Variants in OSBPL10 observed in about 807,000 individuals in gnomAD.
The protein encoded by OSBPL10 is oxysterol-binding protein-related protein 10.
OSBPL10 carries 49 observed loss-of-function variants against 81.7 expected under a neutral mutation model. The ratio of observed to expected loss-of-function variants is 0.60; its 90% CI spans 0.48 to 0.76. The LOEUF is 0.76. OSBPL10 is among the 30% of genes least tolerant of loss of function. The pLI is 0.00. For missense variants in OSBPL10, 923 were observed against 987.8 expected, an observed-to-expected ratio of 0.93 and a Z score of 0.88; for synonymous variants, 419 against 383.6, an observed-to-expected ratio of 1.09 and a Z score of -1.08.
chr3:31,977,877 T>C (rs1698730566), intron 1 of OSBPL10, among the ~76,000 whole-genome samples: 1 of 152,222 alleles, frequency 6.6e-6, no homozygotes, highest in East Asian at 1.9e-4. Flanking sequence ...GTATTTCACA[T>C]TCTCATCCAG....
chr3:32,020,348 C>T (rs1010387333), intron 2 of OSBPL10, among the ~76,000 whole-genome samples: 2 of 152,180 alleles, frequency 1.3e-5, no homozygotes, highest in Admixed American at 6.5e-5. Flanking sequence ...TCTGCTTTCT[C>T]TTTCTCTAAA....
At position 31,661,991 on chromosome 3, in the gene OSBPL10, C is replaced by A; in HGVS notation, c.*81G>T. On this transcript the variant is annotated 3_prime_UTR_variant, in exon 12 of 12. Coordinates refer to ENST00000396556, the MANE Select transcript of OSBPL10 (RefSeq NM_017784.5). ...TGCTAATACAAGGTCTCAGTGAATG[C>A]CAACAAAACCCTGATACTCTACTAC... The A allele has an allele frequency of 1.3e-6, 2 of 1,559,746 alleles. No homozygotes were observed. The highest frequency in any genetic ancestry group is 1.4e-5 in the African/African-American group (1 of 72,776).
At chr3:31,748,184 G>A (rs886843636) in intron 4 of OSBPL10, 64 bp from the exon 5 acceptor site, 79 of 1,447,714 alleles carry the variant, frequency 5.5e-5, no homozygotes, top group South Asian at 2.4e-4. Context: ...CTGGGGAGGC[G>A]GCAGATAAAC....
intron 1 of OSBPL10, among the ~76,000 whole-genome samples, chr3:31,948,157 G>A (rs982023988): frequency 6.6e-6 from 1 of 152,138 alleles, no homozygotes; most frequent in African/African-American, 2.4e-5. Context: ...TTAGTCAAGG[G>A]CTGGGTGCCC....
intron 1 of OSBPL10, among the ~76,000 whole-genome samples, chr3:31,934,145 A>G (rs898626944): frequency 6.6e-6 from 1 of 151,682 alleles, no homozygotes; most frequent in Non-Finnish European, 1.5e-5. Flanking sequence ...TAAACTAATT[A>G]CAAAGGCTTT....
At chr3:31,664,336 G>GC in intron 10 of OSBPL10, 104 bp from the exon 11 acceptor site, 3 of 1,219,190 alleles carry the variant, frequency 2.5e-6, no homozygotes, top group South Asian at 1.4e-5. Context: ...CGCCAGGCAA[G>GC]CCCCCTCTGG....
chr3:31,729,850 T>G (rs532952312), intron 6 of OSBPL10, among the ~76,000 whole-genome samples: 29 of 152,202 alleles, frequency 1.9e-4, no homozygotes, highest in Non-Finnish European at 2.8e-4. Context: ...GAACTCTAAG[T>G]GTGGCCACCA....
At chr3:31,934,502 A>C (rs1415401595) in intron 1 of OSBPL10, among the ~76,000 whole-genome samples, 1 of 148,046 alleles carries the variant, frequency 6.8e-6, no homozygotes. Context: ...TCCGCCTCCC[A>C]GGTTCAAGGG....
chr3:31,727,691 A>C (rs7638790), intron 6 of OSBPL10, among the ~76,000 whole-genome samples: 6,779 of 152,292 alleles, frequency 0.045, 272 homozygotes, highest in African/African-American at 0.1. Flanking sequence ...AAACAAACTT[A>C]TAAGATTGAA....
intron 1 of OSBPL10, among the ~76,000 whole-genome samples, chr3:31,953,411 G>T (rs779658560): frequency 6.6e-6 from 1 of 151,768 alleles, no homozygotes; most frequent in Non-Finnish European, 1.5e-5. Flanking sequence ...AAGCAGAAGT[G>T]ATTCTGTTGT....
chr3:31,903,942 G>A (rs1696329729), intron 1 of OSBPL10, among the ~76,000 whole-genome samples: 1 of 152,142 alleles, frequency 6.6e-6, no homozygotes, highest in Non-Finnish European at 1.5e-5. Context: ...TAAATCCAGT[G>A]AACACAGGTT....
intron 1 of OSBPL10, among the ~76,000 whole-genome samples, chr3:31,932,436 T>C (rs1202416775): frequency 4.6e-5 from 7 of 152,114 alleles, no homozygotes; most frequent in African/African-American, 1.7e-4. Flanking sequence ...TCTAACAATA[T>C]AATAAATAAA....
chr3:31,963,222 T>C (rs1373284690), intron 1 of OSBPL10, among the ~76,000 whole-genome samples: 1 of 151,826 alleles, frequency 6.6e-6, no homozygotes, highest in Non-Finnish European at 1.5e-5. Context: ...CTTCCTTCCT[T>C]TCCTCCCCTC....
chr3:31,980,529 T>G (rs1193547446), intron 1 of OSBPL10, among the ~76,000 whole-genome samples: 1 of 152,216 alleles, frequency 6.6e-6, no homozygotes, highest in African/African-American at 2.4e-5. Flanking sequence ...ACGCCCCTTC[T>G]GCCTCCCTTT....
chr3:31,803,753 T>G (rs943744081), intron 4 of OSBPL10, among the ~76,000 whole-genome samples: 1 of 152,216 alleles, frequency 6.6e-6, no homozygotes, highest in African/African-American at 2.4e-5. Flanking sequence ...TATCATACTT[T>G]TTAAAAGTCC....
chr3:31,737,653 A>T (rs1697221974), intron 5 of OSBPL10, among the ~76,000 whole-genome samples: 1 of 152,196 alleles, frequency 6.6e-6, no homozygotes, highest in Non-Finnish European at 1.5e-5. Flanking sequence ...CGGCTCTACC[A>T]ATCTGCAGTT....
chr3:31,713,769 T>TCCTC (rs1696343596), intron 6 of OSBPL10: 1 of 152,706 alleles, frequency 6.5e-6, no homozygotes, highest in African/African-American at 2.4e-5. Flanking sequence ...CCACTCCCTC[T>TCCTC]CCTCCCTCTC....
chr3:31,860,677 G>T (rs939366069), intron 3 of OSBPL10, among the ~76,000 whole-genome samples: 3 of 152,064 alleles, frequency 2.0e-5, no homozygotes, highest in South Asian at 2.1e-4. Flanking sequence ...TCTGTTTTTT[G>T]TTGTTGTTGT....
chr3:31,694,522 C>T (rs1317767204), intron 7 of OSBPL10, among the ~76,000 whole-genome samples: 2 of 151,700 alleles, frequency 1.3e-5, no homozygotes, highest in African/African-American at 4.8e-5. Context: ...ATTTTTGACA[C>T]GTAGTCAATG....
Sources: allele counts gnomAD v4.1 joint callset (sites outside exome capture counted in the v4.1 genomes callset), GRCh38; gene constraint gnomAD v4.1.1; transcripts MANE v1.5; gene names NCBI Gene and HGNC (gene_info 2026-07-23, HGNC 2026-07-21).